SLC9A9: variants seen among roughly 807,000 people sequenced by gnomAD.
SLC9A9 encodes the protein solute carrier family 9 member A9.
A neutral mutation model predicts 77.8 loss-of-function variants in SLC9A9; 62 were observed. The observed-to-expected ratio is 0.80, with a 90% confidence interval of 0.65 to 0.98. The LOEUF is 0.98. SLC9A9 is among the 50% of genes least tolerant of loss of function. SLC9A9 has a pLI of 0.00. For missense variants in SLC9A9, 775 were observed against 774.9 expected, an observed-to-expected ratio of 1.00 and a Z score of 0.00; for synonymous variants, 320 against 283.5, an observed-to-expected ratio of 1.13 and a Z score of -1.29.
At chr3:143,598,908 C>T (rs1203061186) in intron 6 of SLC9A9, among the ~76,000 whole-genome samples, 1 of 152,212 alleles carries the variant, frequency 6.6e-6, no homozygotes, top group African/African-American at 2.4e-5. Context: ...TTATCTTTCT[C>T]AGGGAACAGG....
intron 4 of SLC9A9, among the ~76,000 whole-genome samples, chr3:143,766,156 A>G (rs1300527851): frequency 6.6e-6 from 1 of 152,204 alleles, no homozygotes; most frequent in African/African-American, 2.4e-5. Flanking sequence ...TATTGAGGCA[A>G]TAGATACCTG....
intron 4 of SLC9A9, among the ~76,000 whole-genome samples, chr3:143,741,636 G>A (rs1368065731): frequency 2.0e-5 from 3 of 152,068 alleles, no homozygotes; most frequent in Non-Finnish European, 2.9e-5. Flanking sequence ...CTACAGTGGA[G>A]AAACCTGACA....
chr3:143,326,528 G>A (rs1361762243), intron 14 of SLC9A9, among the ~76,000 whole-genome samples: 3 of 151,580 alleles, frequency 2.0e-5, no homozygotes, highest in Non-Finnish European at 2.9e-5. Context: ...CCTCTACAAC[G>A]TGCCCCCTCC....
At chr3:143,685,344 A>T (rs1459810444) in intron 5 of SLC9A9, among the ~76,000 whole-genome samples, 1 of 152,114 alleles carries the variant, frequency 6.6e-6, no homozygotes, top group Admixed American at 6.6e-5. Context: ...CAGTAGCAAC[A>T]TGTATCTCGT....
chr3:143,723,053 T>C (rs1290793012), intron 4 of SLC9A9, among the ~76,000 whole-genome samples: 1 of 152,190 alleles, frequency 6.6e-6, no homozygotes, highest in African/African-American at 2.4e-5. Context: ...TGATAATTAC[T>C]CTCCACTTCA....
chr3:143,692,708 T>C (rs1263554774), intron 5 of SLC9A9, among the ~76,000 whole-genome samples: 1 of 152,170 alleles, frequency 6.6e-6, no homozygotes, highest in African/African-American at 2.4e-5. Flanking sequence ...TGGCTACATG[T>C]TCTAGAGCAG....
chr3:143,409,320 G>A (rs955679840), intron 12 of SLC9A9, among the ~76,000 whole-genome samples: 1 of 152,160 alleles, frequency 6.6e-6, no homozygotes, highest in African/African-American at 2.4e-5. Context: ...TTGGGATAAT[G>A]CACAGACATT....
chr3:143,683,204 G>C (rs938860619), intron 5 of SLC9A9, among the ~76,000 whole-genome samples: 1 of 152,128 alleles, frequency 6.6e-6, no homozygotes, highest in African/African-American at 2.4e-5. Context: ...TAAACTAAAA[G>C]TGATTGTGTG....
intron 4 of SLC9A9, among the ~76,000 whole-genome samples, chr3:143,784,199 G>T (rs1048318173): frequency 6.6e-6 from 1 of 152,156 alleles, no homozygotes; most frequent in African/African-American, 2.4e-5. Context: ...CTGAGCAGGG[G>T]TCAAGTTTCC....
chr3:143,806,433 G>A lies in SLC9A9; in HGVS notation c.379-9530C>T, dbSNP rs188886240. On this transcript the variant is annotated intron_variant, in intron 2 of 15. Transcript: ENST00000316549. ...TCCTATTAAATTGGGATCGTATCAAGGATCACAGTGATGCCTTAGTCTGCA... is the reference window on the plus strand; with the variant it reads ...TCCTATTAAATTGGGATCGTATCAAAGATCACAGTGATGCCTTAGTCTGCA... Among the ~76,000 whole-genome samples, 15 of 152,142 alleles carry A rather than the reference G, an allele frequency of 9.9e-5. No individual in the cohort carries two copies. In the East Asian group the frequency reaches 2.7e-3, roughly 27 times the overall value.
intron 14 of SLC9A9, among the ~76,000 whole-genome samples, chr3:143,307,127 C>T (rs558087202): frequency 3.3e-5 from 5 of 152,314 alleles, no homozygotes; most frequent in East Asian, 3.9e-4. Context: ...GGTTTAGGCT[C>T]TGCAGAGAAG....
intron 4 of SLC9A9, among the ~76,000 whole-genome samples, chr3:143,729,751 C>T (rs1934754106): frequency 6.6e-6 from 1 of 152,150 alleles, no homozygotes; most frequent in South Asian, 2.1e-4. Context: ...TCACCTTAGA[C>T]ATCTTCTTCT....
At chr3:143,494,807 C>A (rs979209847) in intron 10 of SLC9A9, among the ~76,000 whole-genome samples, 1 of 152,224 alleles carries the variant, frequency 6.6e-6, no homozygotes, top group Non-Finnish European at 1.5e-5. Context: ...CTATCTTATT[C>A]AGATGAACCT....
At chr3:143,428,893 G>A (rs558683817) in intron 12 of SLC9A9, among the ~76,000 whole-genome samples, 25 of 152,186 alleles carry the variant, frequency 1.6e-4, no homozygotes, top group Non-Finnish European at 2.5e-4. Flanking sequence ...GTAGAATAGT[G>A]TCCACCAGAG....
chr3:143,569,658 C>A (rs1576582702), intron 8 of SLC9A9, among the ~76,000 whole-genome samples: 1 of 152,010 alleles, frequency 6.6e-6, no homozygotes, highest in Non-Finnish European at 1.5e-5. Flanking sequence ...GGAGGCAATA[C>A]AATTAACCAC....
At chr3:143,357,679 C>T (rs1026671779) in intron 14 of SLC9A9, among the ~76,000 whole-genome samples, 9 of 152,184 alleles carry the variant, frequency 5.9e-5, no homozygotes, top group Non-Finnish European at 1.3e-4. Context: ...CTGTTGATTA[C>T]GAATGCTGGC....
At chr3:143,777,190 G>A (rs2007718837) in intron 4 of SLC9A9, among the ~76,000 whole-genome samples, 1 of 152,092 alleles carries the variant, frequency 6.6e-6, no homozygotes. Flanking sequence ...CTGAAAAATA[G>A]CCATTTTTAT....
At chr3:143,719,634 G>A (rs914232446) in intron 4 of SLC9A9, among the ~76,000 whole-genome samples, 2 of 152,054 alleles carry the variant, frequency 1.3e-5, no homozygotes, top group Admixed American at 6.6e-5. Context: ...TATCTTCAAC[G>A]CCTAGGTCAG....
chr3:143,361,525 A>G (rs1433694618), intron 14 of SLC9A9, among the ~76,000 whole-genome samples: 2 of 152,244 alleles, frequency 1.3e-5, no homozygotes, highest in African/African-American at 4.8e-5. Context: ...GAGGCCACAT[A>G]GTTGAAACTG....
Sources: gnomAD v4.1 joint callset for allele counts (sites outside exome capture counted in the v4.1 genomes callset) on GRCh38, gnomAD v4.1.1 for gene constraint, MANE v1.5 for transcripts, NCBI Gene and HGNC (gene_info 2026-07-23, HGNC 2026-07-21) for gene names.